Variants in ERBB4 observed in about 807,000 individuals in gnomAD.
ERBB4 encodes the protein receptor tyrosine-protein kinase erbB-4.
Under a neutral mutation model 158.0 loss-of-function variants are expected in ERBB4, and 42 were observed. That is an observed-to-expected ratio of 0.27 (90% CI 0.21 to 0.34). The LOEUF (loss-of-function observed/expected upper bound fraction) is 0.34, where lower values mean the gene tolerates loss of function less well. ERBB4 is among the 10% of genes least tolerant of loss of function. The pLI is 1.00. For synonymous variants in ERBB4, 583 were observed against 558.7 expected (o/e 1.04, Z -0.61); for missense variants, 1,333 against 1,624.1 (o/e 0.82, Z 3.08).
At chr2:212,503,776 T>C (rs1691031115) in intron 1 of ERBB4, among the ~76,000 whole-genome samples, 1 of 152,204 alleles carries the variant, frequency 6.6e-6, no homozygotes, top group African/African-American at 2.4e-5. Flanking sequence ...CAAAAGTAGC[T>C]TACTTTGTGG....
intron 7 of ERBB4, among the ~76,000 whole-genome samples, chr2:211,716,396 G>A (rs978490299): frequency 9.6e-6 from 1 of 104,030 alleles, no homozygotes; most frequent in Non-Finnish European, 1.9e-5. Context: ...AAAAAAAAAG[G>A]CCGGGCGCAG....
At chr2:212,052,286 G>C (rs2077421572) in intron 2 of ERBB4, among the ~76,000 whole-genome samples, 1 of 152,134 alleles carries the variant, frequency 6.6e-6, no homozygotes, top group African/African-American at 2.4e-5. Flanking sequence ...GTTTGCCAGG[G>C]GGGTCTTGGG....
chr2:211,905,537 C>T (rs2079356717), intron 3 of ERBB4, among the ~76,000 whole-genome samples: 1 of 150,952 alleles, frequency 6.6e-6, no homozygotes, highest in South Asian at 2.1e-4. Flanking sequence ...AATTTTAAAG[C>T]CACTACTATG....
chr2:211,835,398 G>A (rs899770861), intron 3 of ERBB4, among the ~76,000 whole-genome samples: 1 of 152,086 alleles, frequency 6.6e-6, no homozygotes, highest in Admixed American at 6.6e-5. Context: ...TCTGACACTT[G>A]AAGTTTTATG....
At chr2:211,609,388 G>T (rs57212119) in intron 19 of ERBB4, among the ~76,000 whole-genome samples, 1 of 152,002 alleles carries the variant, frequency 6.6e-6, no homozygotes, top group East Asian at 1.9e-4. Context: ...GACAGGCCTT[G>T]CTGGGTTTCC....
At chr2:211,710,045 AT>A (rs2073633999) in intron 9 of ERBB4, among the ~76,000 whole-genome samples, 2 of 152,070 alleles carry the variant, frequency 1.3e-5, no homozygotes, top group African/African-American at 2.4e-5. Context: ...ACTTTTTCGT[AT>A]TTCTTTTAAA....
At chr2:211,499,135 A>G (rs905910551) in intron 20 of ERBB4, among the ~76,000 whole-genome samples, 1 of 152,094 alleles carries the variant, frequency 6.6e-6, no homozygotes, top group African/African-American at 2.4e-5. Context: ...CATACTCAAT[A>G]TTCCTCCCTT....
intron 1 of ERBB4, among the ~76,000 whole-genome samples, chr2:212,491,988 C>A (rs1425586164): frequency 6.6e-6 from 1 of 151,306 alleles, no homozygotes. Flanking sequence ...TCTTATAATA[C>A]TACTTTAAAA....
At chr2:212,310,929 T>C (rs2087017870) in intron 1 of ERBB4, among the ~76,000 whole-genome samples, 1 of 150,720 alleles carries the variant, frequency 6.6e-6, no homozygotes, top group Non-Finnish European at 1.5e-5. Context: ...CAATGAGCTA[T>C]TTTACATTCT....
intron 1 of ERBB4, among the ~76,000 whole-genome samples, chr2:212,227,244 C>A (rs867345022): frequency 1.5e-3 from 206 of 137,050 alleles, no homozygotes; most frequent in African/African-American, 2.3e-3. Flanking sequence ...GACTCCACCT[C>A]AAAAAAAAAA....
chr2:212,334,755 C>A (rs72949534), intron 1 of ERBB4, among the ~76,000 whole-genome samples: 5 of 151,956 alleles, frequency 3.3e-5, no homozygotes, highest in Admixed American at 1.3e-4. Context: ...TATTAAAAAT[C>A]TGATGCCAAT....
rs139032814 is a variant in ERBB4, at chr2:211,464,965, GTTTTTCTTTTT to G, written c.2488-33876_2488-33866del. Among the ~76,000 whole-genome samples the G allele has an allele frequency of 5.0e-4, 56 of 112,704 alleles. 1 individual carries two copies. Among genetic ancestry groups the G allele is most frequent in the African/African-American group, 6.9e-4 (25 of 36,030 alleles). 73.9% of individuals were successfully genotyped at this position (112,704 alleles called of 152,430 possible). A position where few individuals can be genotyped will look rare whatever the true frequency, so the allele number is the denominator to read the frequency against. Reference sequence around the variant, plus strand: ...TAAGAGGCCCACTGGAGCTTACCTTGTTTTTCTTTTTTTTTTCTTTTTTTTTTTTTTGAGGC... The same window carrying G: ...TAAGAGGCCCACTGGAGCTTACCTTGTTTTTCTTTTTTTTTTTTTTGAGGC... On this transcript the variant is annotated intron_variant, in intron 20 of 27. Coordinates refer to ENST00000342788, the MANE Select transcript of ERBB4 (RefSeq NM_005235.3).
At chr2:211,875,759 T>C (rs2078482364) in intron 3 of ERBB4, among the ~76,000 whole-genome samples, 1 of 152,186 alleles carries the variant, frequency 6.6e-6, no homozygotes, top group South Asian at 2.1e-4. Flanking sequence ...ACTCCATTCA[T>C]GGAAGGTGTC....
chr2:211,477,102 T>TA (rs952933733), intron 20 of ERBB4, among the ~76,000 whole-genome samples: 40 of 152,192 alleles, frequency 2.6e-4, no homozygotes, highest in Admixed American at 5.2e-4. Flanking sequence ...CCCTCCCTGA[T>TA]ATTGGTGGGC....
chr2:212,204,881 T>C (rs1360314917), intron 1 of ERBB4, among the ~76,000 whole-genome samples: 3 of 147,166 alleles, frequency 2.0e-5, no homozygotes, highest in Non-Finnish European at 4.5e-5. Context: ...TGCAATGGCA[T>C]GATCTCGGCT....
chr2:212,504,209 C>T (rs1421354563), intron 1 of ERBB4, among the ~76,000 whole-genome samples: 1 of 152,134 alleles, frequency 6.6e-6, no homozygotes, highest in African/African-American at 2.4e-5. Context: ...AGGTGGTATA[C>T]ATAAGCCATA....
intron 1 of ERBB4, among the ~76,000 whole-genome samples, chr2:212,209,069 T>G (rs1421221528): frequency 6.6e-6 from 1 of 152,104 alleles, no homozygotes; most frequent in African/African-American, 2.4e-5. Flanking sequence ...TTTCTCAACT[T>G]TGATAGCATC....
At chr2:211,777,245 A>G (rs2075903407) in intron 4 of ERBB4, 1 of 152,170 alleles carries the variant, frequency 6.6e-6, no homozygotes, top group African/African-American at 2.4e-5. Flanking sequence ...CCCTATCTCA[A>G]TTATGTTTCA....
intron 1 of ERBB4, among the ~76,000 whole-genome samples, chr2:212,436,540 T>C (rs1165085467): frequency 6.6e-6 from 1 of 152,104 alleles, no homozygotes; most frequent in African/African-American, 2.4e-5. Flanking sequence ...TGATCTTGTG[T>C]CAATCTCTCA....
Sources: gnomAD v4.1 joint callset for allele counts (sites outside exome capture counted in the v4.1 genomes callset) on GRCh38, gnomAD v4.1.1 for gene constraint, MANE v1.5 for transcripts, NCBI Gene and HGNC (gene_info 2026-07-23, HGNC 2026-07-21) for gene names.